The following BCL6 variants were observed in gnomAD, a reference collection of about 807,000 sequenced individuals.
BCL6 encodes B-cell lymphoma 6 protein.
BCL6 carries 7 observed loss-of-function variants against 59.5 expected under a neutral mutation model. The ratio of observed to expected loss-of-function variants is 0.12; its 90% CI spans 0.07 to 0.22. The LOEUF (loss-of-function observed/expected upper bound fraction) is 0.22, where lower values mean the gene tolerates loss of function less well. BCL6 is among the 10% of genes least tolerant of loss of function. The pLI is 1.00. For synonymous variants in BCL6, 339 were observed against 349.7 expected (o/e 0.97, Z 0.34); for missense variants, 685 against 939.4 (o/e 0.73, Z 3.54).
In BCL6 at chr3:187,729,891, C is replaced by A; in HGVS notation, c.514G>T (p.Ala172Ser). 1.9e-6 allele frequency: 3 copies of A among 1,614,098 alleles called. No individual in the cohort carries two copies. The highest frequency in any genetic ancestry group is 1.6e-4 in the Middle Eastern group (1 of 6,062). The change falls in exon 5 of 10, where the codon GCC becomes TCC. Residue 172 changes from alanine (A) to serine (S), a missense_variant. By Grantham distance (99) the Ala-to-Ser change is moderately conservative. Coordinates refer to ENST00000406870, the MANE Select transcript of BCL6 (RefSeq NM_001706.5). This position sits in a 1 kb window ranked among gnomAD's most constrained non-coding sequence, Gnocchi z 5.6. ...AAGGCTCTGCTCTCACACCCAGGGG[C>A]GCTCCTCAGTGGCAGGTTGTTCTCC... ...VVENNLPLRS[A>S]PGCESRAFAP...
At chr3:187,744,720 CCTCCCGG>C in intron 1 of BCL6, among the ~76,000 whole-genome samples, 1 of 152,000 alleles carries the variant, frequency 6.6e-6, no homozygotes, top group Non-Finnish European at 1.5e-5. Context: ...TCCCTTTTTG[CCTCCCGG>C]AGTTACCCAG....
At chr3:187,744,875 A>C (rs1711834529) in intron 1 of BCL6, among the ~76,000 whole-genome samples, 1 of 152,242 alleles carries the variant, frequency 6.6e-6, no homozygotes, top group African/African-American at 2.4e-5. Flanking sequence ...ATCCAGAGAG[A>C]TCACAAGCCG....
intron 4 of BCL6, 56 bp downstream of exon 4, chr3:187,731,653 T>C (rs1719047688): frequency 6.4e-7 from 1 of 1,554,822 alleles, no homozygotes; most frequent in Non-Finnish European, 8.9e-7. Flanking sequence ...ATCAAAGGTT[T>C]CTGATCGGGG....
intron 9 of BCL6, among the ~76,000 whole-genome samples, 197 bp from the exon 10 acceptor site, chr3:187,722,798 C>T (rs747619047): frequency 1.3e-5 from 2 of 152,222 alleles, no homozygotes; most frequent in Non-Finnish European, 2.9e-5. Context: ...CCGTTCCCTG[C>T]TTTCCCAAGT....
intron 1 of BCL6, among the ~76,000 whole-genome samples, chr3:187,743,934 C>G (rs1315103757): frequency 1.3e-5 from 2 of 152,280 alleles, no homozygotes; most frequent in Admixed American, 6.5e-5. Flanking sequence ...GCGCCCGCTC[C>G]TCCCGCGCCG....
At chr3:187,745,164 A>C (rs527547202) in intron 1 of BCL6, among the ~76,000 whole-genome samples, 1 of 152,312 alleles carries the variant, frequency 6.6e-6, no homozygotes, top group Non-Finnish European at 1.5e-5. Flanking sequence ...CTATGGTGGG[A>C]GAGACGTGGG....
chr3:187,727,548 G>A (rs1275592351), intron 6 of BCL6, among the ~76,000 whole-genome samples: 3 of 152,234 alleles, frequency 2.0e-5, no homozygotes, highest in African/African-American at 7.2e-5. Context: ...GACCGAAGCT[G>A]ATGGTGGAAG....
Position 187,721,820 on chromosome 3 carries a change from C to A in BCL6, c.*638G>T. The A allele has an allele frequency of 4.4e-6, 1 of 228,622 alleles. No individual in the cohort carries two copies. Among genetic ancestry groups the A allele is most frequent in the Non-Finnish European group, 8.7e-6 (1 of 115,174 alleles). The allele number at this position is 228,622 out of a possible 1,614,324, so 14.2% of individuals were successfully genotyped here. On this transcript the variant is annotated 3_prime_UTR_variant, in exon 10 of 10. Coordinates refer to ENST00000406870, the MANE Select transcript of BCL6 (RefSeq NM_001706.5). This position sits in a 1 kb window ranked among gnomAD's most constrained non-coding sequence, Gnocchi z 4.2. ...AAATATTTTCTTACTTATACAGATG[C>A]AATACTTAAAATATTCTCTTAAGTG... is the stretch of plus-strand genomic sequence containing the variant.
intron 1 of BCL6, among the ~76,000 whole-genome samples, chr3:187,740,063 G>T (rs756473245): frequency 3.6e-4 from 55 of 152,180 alleles, no homozygotes; most frequent in Non-Finnish European, 5.6e-4. Context: ...CGACCCGGGC[G>T]GGGGCGACGG....
rs1056936 is a variant in BCL6, at chr3:187,722,553, G to A, written c.2026C>T (p.His676Tyr). Residue 676 changes from histidine to tyrosine, a missense_variant, in exon 10 of 10, where the codon CAC becomes TAC. By Grantham distance (83) the His-to-Tyr change is moderately conservative (BLOSUM62 2). Around this residue, in one of 7 missense-constraint regions of BCL6, gnomAD observed 38 missense variants for 97.9 expected, o/e 0.39. Coordinates refer to ENST00000406870, the MANE Select transcript of BCL6 (RefSeq NM_001706.5). ...HFRHKSQLRL[H>Y]LRQKHGAITN... ...ATGGCGCCATGCTTCTGGCGCAAGT[G>A]AAGTCGCAGCTGGCTTTTGTGACGG... The A allele has an allele frequency of 6.2e-7, 1 of 1,613,960 alleles. No individual in the cohort carries two copies.
Position 187,728,490 on chromosome 3 carries a change from C to A in BCL6, c.1410G>T (p.Met470Ile). 2 of 1,611,472 alleles carry A rather than the reference C, an allele frequency of 1.2e-6. No individual in the cohort carries two copies. Among genetic ancestry groups the A allele is most frequent in the East Asian group, 4.5e-5 (2 of 44,794 alleles). ...SSSESHSPLY[M>I]HPPKCTSCGS... ...CGCAGGACGTGCACTTCGGGGGGTGCATGTAGAGTGGTGAGTGGCTCTCGC... is the reference window on the plus strand; with the variant it reads ...CGCAGGACGTGCACTTCGGGGGGTGAATGTAGAGTGGTGAGTGGCTCTCGC... The change falls in exon 6 of 10, where the codon ATG becomes ATT. Residue 470 changes from methionine to isoleucine, a missense_variant. Met to Ile is a conservative substitution (Grantham distance 10). This residue lies in a region of BCL6 where 207 missense variants were observed against 213.7 expected (regional missense o/e 0.97). Transcript: ENST00000406870.
chr3:187,744,303 G>C (rs557768755), intron 1 of BCL6, among the ~76,000 whole-genome samples: 1 of 152,156 alleles, frequency 6.6e-6, no homozygotes, highest in East Asian at 1.9e-4. Context: ...GGCATCGCAG[G>C]TGCAGTGCGC....
chr3:187,745,380 A>G, intron 1 of BCL6, 30 bp downstream of exon 1: 1 of 402,798 alleles, frequency 2.5e-6, no homozygotes, highest in Non-Finnish European at 4.4e-6. Context: ...CAGTAGCAGC[A>G]GCAGCGGCGG....
intron 1 of BCL6, among the ~76,000 whole-genome samples, chr3:187,745,193 T>C (rs558301771): frequency 2.0e-5 from 3 of 152,286 alleles, no homozygotes; most frequent in East Asian, 1.9e-4. Context: ...TCGGCATTTA[T>C]TTTAACACCT....
chr3:187,745,097 C>T (rs1342361322), intron 1 of BCL6, among the ~76,000 whole-genome samples: 1 of 152,024 alleles, frequency 6.6e-6, no homozygotes, highest in Admixed American at 6.6e-5. Context: ...CCTCCCCAAA[C>T]CGGCCGATTC....
At position 187,731,664 on chromosome 3, in the gene BCL6, A is replaced by T; in HGVS notation, c.383+45T>A. On this transcript the variant is annotated intron_variant, in intron 4 of 9. Coordinates refer to ENST00000406870, the MANE Select transcript of BCL6 (RefSeq NM_001706.5). ...AATTATCAAAGGTTTCTGATCGGGG[A>T]CTATCTCTTCCATCTCCGACGCTTC... The T allele has an allele frequency of 3.2e-6, 5 of 1,580,004 alleles. No homozygotes were observed. The South Asian group carries it at 5.5e-5, about 18-fold the overall frequency.
In BCL6 at chr3:187,731,827, A is replaced by T; in HGVS notation, c.265T>A (p.Phe89Ile). 1 of 1,614,206 alleles carries T rather than the reference A, an allele frequency of 6.2e-7. No individual in the cohort carries two copies. Among genetic ancestry groups the T allele is most frequent in the Non-Finnish European group, 8.5e-7 (1 of 1,180,032 alleles). Reference sequence around the variant, plus strand: ...AAATTGAGCCGAGATGTGTACATGAAGTCCAGGAGGATGCAGAATCCCTCA... The same window carrying T: ...AAATTGAGCCGAGATGTGTACATGATGTCCAGGAGGATGCAGAATCCCTCA... Reference protein sequence around the residue: ...NPEGFCILLDFMYTSRLNLRE... With the variant: ...NPEGFCILLDIMYTSRLNLRE... The change falls in exon 4 of 10, where the codon TTC becomes ATC. Residue 89 changes from phenylalanine to isoleucine, a missense_variant. Phe to Ile is a conservative substitution (Grantham distance 21, BLOSUM62 0). Coordinates refer to ENST00000406870, the MANE Select transcript of BCL6 (RefSeq NM_001706.5).
At position 187,729,761 on chromosome 3, in the gene BCL6, T is replaced by C; in HGVS notation, c.644A>G (p.Asp215Gly). The change falls in exon 5 of 10, where the codon GAT becomes GGT. Residue 215 changes from aspartate (D) to glycine (G), a missense_variant. This residue lies in a region of BCL6 where 268 missense variants were observed against 263.8 expected (regional missense o/e 1.02). Transcript: ENST00000406870. The surrounding 1 kb of genome is among the most constrained non-coding windows in gnomAD (Gnocchi z 5.6). ...SLLFSDEEFRDVRMPVANPFP... is the reference protein window; with the variant it reads ...SLLFSDEEFRGVRMPVANPFP... ...GGGGTTGGCCACAGGCATCCGGACA[T>C]CCCGAAACTCCTCATCGGAGAAGAG... 1 of 1,614,056 alleles carries C rather than the reference T, an allele frequency of 6.2e-7. No individual in the cohort carries two copies. Among genetic ancestry groups the C allele is most frequent in the Non-Finnish European group, 8.5e-7 (1 of 1,180,018 alleles).
chr3:187,737,169 T>A (rs1027899613), intron 1 of BCL6: 1 of 151,998 alleles, frequency 6.6e-6, no homozygotes, highest in Non-Finnish European at 1.5e-5. Context: ...GTAACCACCA[T>A]GGGAGAGTTA....
Sources: gnomAD v4.1 joint callset for allele counts (sites outside exome capture counted in the v4.1 genomes callset) on GRCh38, gnomAD v4.1.1 for gene constraint, gnomAD v4.1.1 regional missense constraint, Gnocchi (gnomAD v3.1) non-coding constraint, MANE v1.5 for transcripts, NCBI Gene and HGNC (gene_info 2026-07-23, HGNC 2026-07-21) for gene names.